The following INPP4B variants were observed in gnomAD, a reference collection of about 807,000 sequenced individuals.
The protein encoded by INPP4B is inositol polyphosphate-4-phosphatase type II B.
In INPP4B, 55 loss-of-function variants were observed where a neutral mutation model predicts 122.5. That is an observed-to-expected ratio of 0.45 (90% CI 0.36 to 0.56). The LOEUF (loss-of-function observed/expected upper bound fraction) is 0.56, where lower values mean the gene tolerates loss of function less well. INPP4B is among the 20% of genes least tolerant of loss of function. The probability of loss-of-function intolerance (pLI) is 0.00; values close to 1 mark genes in which losing one functional copy is unlikely to be tolerated. For synonymous variants in INPP4B, 403 were observed against 388.7 expected (o/e 1.04, Z -0.43); for missense variants, 1,000 against 1,097.7 (o/e 0.91, Z 1.26).
chr4:142,720,387 A>G (rs2150834141), intron 2 of INPP4B, among the ~76,000 whole-genome samples: 1 of 152,190 alleles, frequency 6.6e-6, no homozygotes, highest in Admixed American at 6.5e-5. Context: ...AATTCATTAA[A>G]AATATAGAGA....
intron 7 of INPP4B, among the ~76,000 whole-genome samples, chr4:142,340,501 G>A (rs1268053187): frequency 6.6e-6 from 1 of 151,932 alleles, no homozygotes; most frequent in African/African-American, 2.4e-5. Flanking sequence ...TCCAACTCCG[G>A]GGCTCAAGGG....
intron 25 of INPP4B, among the ~76,000 whole-genome samples, chr4:142,065,825 T>G (rs1763233289): frequency 6.6e-6 from 1 of 152,164 alleles, no homozygotes. Context: ...TTCACTAGTT[T>G]ATTATAAAGG....
chr4:142,617,134 A>G (rs1199151074), intron 2 of INPP4B, among the ~76,000 whole-genome samples: 2 of 152,124 alleles, frequency 1.3e-5, no homozygotes, highest in Admixed American at 6.6e-5. Context: ...ATTTGCTCAA[A>G]CATGCATAAA....
At chr4:142,364,151 T>G (rs150883440) in intron 7 of INPP4B, among the ~76,000 whole-genome samples, 25 of 152,138 alleles carry the variant, frequency 1.6e-4, no homozygotes, top group African/African-American at 5.1e-4. Context: ...ATAGGACTTC[T>G]CCTTTTGCTT....
At chr4:142,755,129 T>C (rs144375616) in intron 1 of INPP4B, among the ~76,000 whole-genome samples, 228 of 152,122 alleles carry the variant, frequency 1.5e-3, no homozygotes, top group African/African-American at 5.4e-3. Context: ...TTCTATTCTA[T>C]CTATCCTCAT....
intron 12 of INPP4B, among the ~76,000 whole-genome samples, chr4:142,217,862 G>A (rs751203309): frequency 7.9e-5 from 12 of 152,282 alleles, no homozygotes; most frequent in Admixed American, 1.3e-4. Context: ...GGAATCTCCT[G>A]CCTGACTGCC....
intron 7 of INPP4B, among the ~76,000 whole-genome samples, chr4:142,367,519 C>T (rs1788009845): frequency 6.6e-6 from 1 of 152,000 alleles, no homozygotes; most frequent in African/African-American, 2.4e-5. Context: ...GGTGCTATTC[C>T]TGTCTCCATT....
At position 142,027,832 on chromosome 4, in the gene INPP4B, A is replaced by G. The variant is rs1737492720; in HGVS notation, c.*950T>C. 1 of 172,016 alleles carries G rather than the reference A, an allele frequency of 5.8e-6. No homozygotes were observed. The highest frequency in any genetic ancestry group is 6.4e-5 in the Admixed American group (1 of 15,680). The allele number at this position is 172,016 out of a possible 1,614,324, so 10.7% of individuals were successfully genotyped here. ...CAGAAAATAATTGTTTTACTTTATCATTTGTTGTGGTTGCATATGTTTTAA... is the reference window on the plus strand; with the variant it reads ...CAGAAAATAATTGTTTTACTTTATCGTTTGTTGTGGTTGCATATGTTTTAA... On this transcript the variant is annotated 3_prime_UTR_variant, in exon 26 of 26. Transcript: ENST00000262992.
chr4:142,761,901 G>A (rs1041208507), intron 1 of INPP4B, among the ~76,000 whole-genome samples: 9 of 152,014 alleles, frequency 5.9e-5, no homozygotes, highest in Admixed American at 5.9e-4. Context: ...AATACAGCAG[G>A]GCCAGCTGTG....
At chr4:142,493,276 G>T (rs1401752512) in intron 2 of INPP4B, among the ~76,000 whole-genome samples, 1 of 152,216 alleles carries the variant, frequency 6.6e-6, no homozygotes, top group African/African-American at 2.4e-5. Context: ...CCTGTGGAAG[G>T]GAAATGTGGG....
At chr4:142,229,294 T>C (rs895762717) in intron 12 of INPP4B, among the ~76,000 whole-genome samples, 1 of 152,122 alleles carries the variant, frequency 6.6e-6, no homozygotes, top group African/African-American at 2.4e-5. Flanking sequence ...AGAATATACA[T>C]GATAAACGGG....
intron 11 of INPP4B, among the ~76,000 whole-genome samples, chr4:142,258,395 C>T (rs1394269026): frequency 6.6e-6 from 1 of 151,624 alleles, no homozygotes; most frequent in African/African-American, 2.4e-5. Context: ...GCAAAAGAAA[C>T]TACCATCAGA....
chr4:142,310,100 C>T (rs1444758343), intron 8 of INPP4B, among the ~76,000 whole-genome samples: 1 of 152,030 alleles, frequency 6.6e-6, no homozygotes, highest in East Asian at 1.9e-4. Context: ...ATATCCTTCT[C>T]ACAAAGCCTG....
intron 2 of INPP4B, among the ~76,000 whole-genome samples, chr4:142,464,401 T>C (rs546154069): frequency 7.4e-4 from 112 of 152,232 alleles, no homozygotes; most frequent in Non-Finnish European, 7.2e-4. Context: ...ATGTCAATAA[T>C]GCAGATGAGA....
chr4:142,254,258 G>A (rs372909800), intron 11 of INPP4B, among the ~76,000 whole-genome samples: 2 of 151,608 alleles, frequency 1.3e-5, no homozygotes, highest in East Asian at 2.0e-4. Context: ...TGGGGAAAAA[G>A]CAGAGCAGAA....
intron 2 of INPP4B, among the ~76,000 whole-genome samples, chr4:142,533,694 C>A (rs1443328686): frequency 6.6e-6 from 1 of 152,126 alleles, no homozygotes; most frequent in Non-Finnish European, 1.5e-5. Flanking sequence ...GTTACCTTGA[C>A]TGCATTAGCA....
intron 10 of INPP4B, among the ~76,000 whole-genome samples, 154 bp from the exon 11 acceptor site, chr4:142,260,718 T>C (rs1739540564): frequency 6.6e-6 from 1 of 152,214 alleles, no homozygotes; most frequent in South Asian, 2.1e-4. Flanking sequence ...CTATCTTTAC[T>C]ACAAAGAGTG....
At chr4:142,586,240 G>A (rs28562975) in intron 2 of INPP4B, among the ~76,000 whole-genome samples, 2,144 of 152,012 alleles carry the variant, frequency 0.014, 40 homozygotes, top group African/African-American at 0.041. Flanking sequence ...TGAGCCCAGG[G>A]AGCAGAGTTT....
At chr4:142,739,538 C>T (rs1433487835) in intron 1 of INPP4B, among the ~76,000 whole-genome samples, 3 of 151,746 alleles carry the variant, frequency 2.0e-5, no homozygotes, top group Non-Finnish European at 4.4e-5. Context: ...TCAGTAAATT[C>T]GATTGAAATA....
Sources: gnomAD v4.1 joint callset for allele counts (sites outside exome capture counted in the v4.1 genomes callset) on GRCh38, gnomAD v4.1.1 for gene constraint, MANE v1.5 for transcripts, NCBI Gene and HGNC (gene_info 2026-07-23, HGNC 2026-07-21) for gene names.